Variants in GGACT observed in about 807,000 individuals in gnomAD.
The protein encoded by GGACT is gamma-glutamylamine cyclotransferase.
For synonymous variants in GGACT, 118 were observed against 115.3 expected (o/e 1.02, Z -0.15); for missense variants, 241 against 233.2 (o/e 1.03, Z -0.22).
intron 2 of GGACT, among the ~76,000 whole-genome samples, chr13:100,573,884 C>CA (rs34897728): frequency 0.47 from 55,824 of 118,910 alleles, 11,975 homozygotes; most frequent in South Asian, 0.61. Context: ...ATCAAAAAGT[C>CA]AAAAAAAAAA....
At chr13:100,536,610 TTC>T (rs1163368438) in intron 2 of GGACT, 1 of 152,184 alleles carries the variant, frequency 6.6e-6, no homozygotes, top group Non-Finnish European at 1.5e-5. Context: ...ACTCCCTCTT[TTC>T]TCTCTGTTTT....
intron 2 of GGACT, among the ~76,000 whole-genome samples, chr13:100,564,394 A>G (rs1397202395): frequency 1.3e-5 from 2 of 152,220 alleles, no homozygotes; most frequent in South Asian, 4.1e-4. Context: ...CTTCACCTAC[A>G]TGGCAAGTTC....
intron 2 of GGACT, among the ~76,000 whole-genome samples, chr13:100,567,654 C>T (rs1035373698): frequency 6.6e-6 from 1 of 152,228 alleles, no homozygotes; most frequent in African/African-American, 2.4e-5. Flanking sequence ...TATAAACATA[C>T]ACACACGCAC....
chr13:100,563,951 G>A (rs2088787121), intron 2 of GGACT, among the ~76,000 whole-genome samples: 2 of 152,088 alleles, frequency 1.3e-5, no homozygotes, highest in South Asian at 4.2e-4. Context: ...GGGGGCCTGT[G>A]GGCTACTGGG....
rs1289469937 is a variant in GGACT at position 100,530,881 on chromosome 13, C to G, written c.*1249G>C. 1 of 153,104 alleles carries G rather than the reference C, an allele frequency of 6.5e-6. No individual in the cohort carries two copies. The highest frequency in any genetic ancestry group is 2.4e-5 in the African/African-American group (1 of 41,444). The allele number at this position is 153,104 out of a possible 1,614,324, so 9.5% of individuals were successfully genotyped here. The stretch of plus-strand genomic sequence containing the variant: ...GGCAGTCACAAGGAGCTTGGGCTGC[C>G]TCACCGCCCTCATCAAGCACAGGGC... On this transcript the variant is annotated 3_prime_UTR_variant, in exon 3 of 3. Coordinates refer to ENST00000683975, the MANE Select transcript of GGACT (RefSeq NM_001195087.2).
rs374787544 is a variant in GGACT, at chr13:100,566,085, T to G, written c.-11+17740A>C. Among the ~76,000 whole-genome samples, 178 of 152,216 alleles carry G rather than the reference T, an allele frequency of 1.2e-3. 1 individual carries two copies. Among genetic ancestry groups the G allele is most frequent in the African/African-American group, 4.0e-3 (168 of 41,536 alleles). On this transcript the variant is annotated intron_variant, in intron 2 of 2. Coordinates refer to ENST00000683975, the MANE Select transcript of GGACT (RefSeq NM_001195087.2). ...CAAGGCATGCCAGCTGTCAGGGAAG[T>G]GAGCTCCAGGTCTCCCCAAGTCAAG...
chr13:100,575,497 T>C (rs1019939836), intron 2 of GGACT, among the ~76,000 whole-genome samples: 1 of 152,142 alleles, frequency 6.6e-6, no homozygotes, highest in Non-Finnish European at 1.5e-5. Context: ...AGGAAAAAGG[T>C]ATTCAAATGC....
At chr13:100,543,144 A>G (rs1056777865) in intron 2 of GGACT, among the ~76,000 whole-genome samples, 3 of 140,888 alleles carry the variant, frequency 2.1e-5, no homozygotes, top group African/African-American at 7.7e-5. Context: ...GGAAAGGGCT[A>G]GTGTTTAACT....
At chr13:100,561,096 C>T (rs773471008) in intron 2 of GGACT, among the ~76,000 whole-genome samples, 12 of 152,304 alleles carry the variant, frequency 7.9e-5, no homozygotes, top group Middle Eastern at 3.4e-3. Context: ...GCTACGCCCT[C>T]CTAAGTCTCA....
intron 2 of GGACT, chr13:100,539,800 C>A (rs2088532843): frequency 4.4e-6 from 3 of 687,670 alleles, no homozygotes; most frequent in South Asian, 1.7e-5. Flanking sequence ...ACCAGTGAAG[C>A]CATCTGGTCC....
chr13:100,561,157 T>G (rs1015787013), intron 2 of GGACT, among the ~76,000 whole-genome samples: 1 of 152,252 alleles, frequency 6.6e-6, no homozygotes, highest in Non-Finnish European at 1.5e-5. Context: ...CATTTCAGTA[T>G]TTCCAGCTCC....
rs1016635557 is a variant in GGACT, at chr13:100,583,034, A to G, written c.-11+791T>C. The stretch of plus-strand genomic sequence containing the variant: ...CTGTGTTATGGAAAGTAAAATATGT[A>G]CAAAACTAGGGTAATGATAGAAGGA... On this transcript the variant is annotated intron_variant, in intron 2 of 2. Coordinates refer to ENST00000683975, the MANE Select transcript of GGACT (RefSeq NM_001195087.2). Among the ~76,000 whole-genome samples the G allele has an allele frequency of 1.3e-4, 20 of 152,250 alleles. 1 individual carries two copies. Among genetic ancestry groups the G allele is most frequent in the Admixed American group, 5.2e-4 (8 of 15,290 alleles).
At chr13:100,583,220 T>G (rs1185903043) in intron 2 of GGACT, among the ~76,000 whole-genome samples, 2 of 152,200 alleles carry the variant, frequency 1.3e-5, no homozygotes, top group African/African-American at 4.8e-5. Context: ...TTTATCTGTG[T>G]TAACACGAAT....
chr13:100,569,053 G>C (rs1354674915), intron 2 of GGACT, among the ~76,000 whole-genome samples: 1 of 152,230 alleles, frequency 6.6e-6, no homozygotes, highest in Admixed American at 6.5e-5. Flanking sequence ...GCAGGGTACA[G>C]CCTCCCTCCC....
chr13:100,531,867 T>C lies in GGACT; in HGVS notation c.*263A>G, dbSNP rs1389208572. On this transcript the variant is annotated 3_prime_UTR_variant, in exon 3 of 3. Coordinates refer to ENST00000683975, the MANE Select transcript of GGACT (RefSeq NM_001195087.2). ...AAACAACACGAGGAGGAAGAAGAAT[T>C]AGGCATAACACGAGTTCTCTAAATG... The C allele has an allele frequency of 2.6e-6, 1 of 384,956 alleles. No individual in the cohort carries two copies. The allele number at this position is 384,956 out of a possible 1,614,324, so 23.8% of individuals were successfully genotyped here.
chr13:100,556,916 C>T (rs142963101), intron 2 of GGACT, among the ~76,000 whole-genome samples: 2,744 of 152,168 alleles, frequency 0.018, 75 homozygotes, highest in African/African-American at 0.062. Context: ...CTCTGTTGCC[C>T]AGGCTGGAGT....
intron 2 of GGACT, among the ~76,000 whole-genome samples, chr13:100,548,721 T>G (rs1388337620): frequency 6.6e-6 from 1 of 152,178 alleles, no homozygotes; most frequent in Non-Finnish European, 1.5e-5. Flanking sequence ...TAAAAAAATG[T>G]AAGAACCGAG....
At chr13:100,568,137 A>G (rs1254528563) in intron 2 of GGACT, among the ~76,000 whole-genome samples, 2 of 152,232 alleles carry the variant, frequency 1.3e-5, no homozygotes, top group African/African-American at 2.4e-5. Context: ...ACCAGTAATT[A>G]AGAAAGAAGA....
chr13:100,570,353 G>A (rs771089975), intron 2 of GGACT, among the ~76,000 whole-genome samples: 21 of 152,106 alleles, frequency 1.4e-4, no homozygotes, highest in Middle Eastern at 3.2e-3. Context: ...TAATCATGGC[G>A]GAAGGGGAAG....
Sources: allele counts gnomAD v4.1 joint callset (sites outside exome capture counted in the v4.1 genomes callset), GRCh38; gene constraint gnomAD v4.1.1; transcripts MANE v1.5; gene names NCBI Gene and HGNC (gene_info 2026-07-23, HGNC 2026-07-21).